Variants in ZFR2 observed in about 807,000 individuals in gnomAD.
ZFR2 encodes the protein zinc finger RNA binding protein 2, also known as zinc finger RNA-binding protein 2.
A neutral mutation model predicts 105.7 loss-of-function variants in ZFR2; 104 were observed. That is an observed-to-expected ratio of 0.98 (90% CI 0.84 to 1.16). The LOEUF (loss-of-function observed/expected upper bound fraction) is 1.16. ZFR2 is among the 50% of genes most tolerant of loss of function. The pLI is 0.00. For missense variants in ZFR2, 1,425 were observed against 1,355.5 expected (o/e 1.05, Z -0.80); for synonymous variants, 634 against 597.7 (o/e 1.06, Z -0.89).
intron 14 of ZFR2, among the ~76,000 whole-genome samples, chr19:3,811,720 G>A (rs1482544538): frequency 6.6e-6 from 1 of 152,044 alleles, no homozygotes; most frequent in African/African-American, 2.4e-5. Flanking sequence ...CTCCCAAAGT[G>A]CTGGGATTAC....
chr19:3,824,793 C>T (rs746956515), intron 7 of ZFR2, among the ~76,000 whole-genome samples: 24 of 152,032 alleles, frequency 1.6e-4, no homozygotes, highest in Non-Finnish European at 2.8e-4. Flanking sequence ...AAAAATTAGC[C>T]GGGCGTGGTG....
intron 1 of ZFR2, chr19:3,855,364 C>G: frequency 8.1e-7 from 1 of 1,231,224 alleles, no homozygotes; most frequent in Non-Finnish European, 1.0e-6. Flanking sequence ...ATTGCTTTTG[C>G]GGGTTGCACT....
intron 1 of ZFR2, among the ~76,000 whole-genome samples, chr19:3,835,217 G>T (rs1285063498): frequency 6.6e-6 from 1 of 152,196 alleles, no homozygotes; most frequent in Non-Finnish European, 1.5e-5. Context: ...AGAAACTGAG[G>T]CACTGTCAGT....
intron 1 of ZFR2, among the ~76,000 whole-genome samples, chr19:3,855,115 C>T (rs930693339): frequency 1.3e-5 from 2 of 151,860 alleles, no homozygotes; most frequent in South Asian, 4.2e-4. Context: ...AGGCTGGTCT[C>T]GAACTCCTGG....
intron 1 of ZFR2, chr19:3,852,458 C>T: frequency 2.8e-6 from 2 of 718,326 alleles, no homozygotes; most frequent in South Asian, 3.0e-5. Context: ...GGGTCCTTCA[C>T]CAGGCAGGGT....
intron 6 of ZFR2, 53 bp from the exon 7 acceptor site, chr19:3,825,460 C>T (rs2037939280): frequency 1.3e-6 from 2 of 1,516,730 alleles, no homozygotes; most frequent in Admixed American, 2.4e-5. Context: ...AGCCTGATGG[C>T]CTTTTTCAAG....
chr19:3,821,497 G>A lies in ZFR2; in HGVS notation c.1492-18C>T, dbSNP rs1468892719. The stretch of plus-strand genomic sequence containing the variant: ...ACTTTCTTCTGGAAAGGACAGGCAA[G>A]GCTCTGAGAGTAGGGACCTTGCTTT... On this transcript the variant is annotated intron_variant, in intron 9 of 18. Coordinates refer to ENST00000262961, the MANE Select transcript of ZFR2 (RefSeq NM_015174.2). The A allele has an allele frequency of 1.9e-6, 3 of 1,577,724 alleles. No individual in the cohort carries two copies. The highest frequency in any genetic ancestry group is 2.7e-5 in the African/African-American group (2 of 73,946).
At chr19:3,846,240 G>A (rs1412792664) in intron 1 of ZFR2, among the ~76,000 whole-genome samples, 1 of 152,252 alleles carries the variant, frequency 6.6e-6, no homozygotes, top group African/African-American at 2.4e-5. Flanking sequence ...GCCTCCCACA[G>A]TGCTGGGATT....
chr19:3,807,358 T>C, intron 17 of ZFR2, 89 bp from the exon 18 acceptor site: 1 of 964,602 alleles, frequency 1.0e-6, no homozygotes, highest in Non-Finnish European at 1.6e-6. Flanking sequence ...CCGTGGGGCC[T>C]CAGGGGCCCG....
rs1263270133 is a variant in ZFR2, at chr19:3,825,300, G to A, written c.1143C>T (p.Gly381=). 6.3e-7 allele frequency: 1 copy of A among 1,580,382 alleles called. No individual in the cohort carries two copies. Among genetic ancestry groups the A allele is most frequent in the Non-Finnish European group, 8.6e-7 (1 of 1,169,132 alleles). The part of the protein sequence containing the change: ...GAEAKPTSPT[G]PSVCASSRPA... ...GCCTGCTCGAGGCACACACGCTGGG[G>A]CCAGTGGGGGACGTGGGCTTGGCCT... Residue 381 remains glycine, a synonymous_variant, in exon 7 of 19, where the codon GGC becomes GGT. Coordinates refer to ENST00000262961, the MANE Select transcript of ZFR2 (RefSeq NM_015174.2).
In ZFR2 at chr19:3,858,895, C is replaced by T. The variant is rs192865626; in HGVS notation, c.53+10070G>A. Among the ~76,000 whole-genome samples, 1 of 152,188 alleles carries T rather than the reference C, an allele frequency of 6.6e-6. No individual in the cohort carries two copies. Among genetic ancestry groups the T allele is most frequent in the African/African-American group, 2.4e-5 (1 of 41,440 alleles). On this transcript the variant is annotated intron_variant, in intron 1 of 18. Coordinates refer to ENST00000262961, the MANE Select transcript of ZFR2 (RefSeq NM_015174.2). This position sits in a 1 kb window ranked among gnomAD's most constrained non-coding sequence, Gnocchi z 4.3. ...AGCTCATCACCTATTTCTCTATCAC[C>T]CCCATGGCAGATGGAGATGAAGGCT...
intron 3 of ZFR2, among the ~76,000 whole-genome samples, chr19:3,832,236 C>T (rs992396562): frequency 6.6e-6 from 1 of 152,106 alleles, no homozygotes; most frequent in African/African-American, 2.4e-5. Flanking sequence ...CATTCATAGG[C>T]CCACACCTGG....
At chr19:3,857,263 C>T (rs1252295210) in intron 1 of ZFR2, among the ~76,000 whole-genome samples, 1 of 151,744 alleles carries the variant, frequency 6.6e-6, no homozygotes, top group Admixed American at 6.6e-5. Context: ...GAATCTCCCA[C>T]TTTTAAATGC....
chr19:3,826,731 C>T (rs998581985), intron 6 of ZFR2, among the ~76,000 whole-genome samples: 1 of 152,014 alleles, frequency 6.6e-6, no homozygotes, highest in African/African-American at 2.4e-5. Context: ...AGGCACCACG[C>T]CCGGCCTGAC....
Position 3,834,685 on chromosome 19 carries a change from AG to A in ZFR2, c.264+87del. ...GATCACGGTTAAGAGGCCTGGGAGA[AG>A]GAGTAGCTGTGGGAAGCCCACCGCT... On this transcript the variant is annotated intron_variant, in intron 2 of 18. Coordinates refer to ENST00000262961, the MANE Select transcript of ZFR2 (RefSeq NM_015174.2). This position sits in a 1 kb window ranked among gnomAD's most constrained non-coding sequence, Gnocchi z 5.3. The A allele has an allele frequency of 1.5e-6, 2 of 1,336,802 alleles. No homozygotes were observed. The highest frequency in any genetic ancestry group is 2.1e-6 in the Non-Finnish European group (2 of 956,030). The allele number at this position is 1,336,802 out of a possible 1,614,324, so 82.8% of individuals were successfully genotyped here.
chr19:3,809,058 C>T, intron 16 of ZFR2, 75 bp from the exon 17 acceptor site: 2 of 1,180,502 alleles, frequency 1.7e-6, no homozygotes, highest in South Asian at 1.7e-5. Context: ...GTCCTGGGGT[C>T]CCTGGGACAG....
At chr19:3,841,129 T>C (rs2038128993) in intron 1 of ZFR2, among the ~76,000 whole-genome samples, 1 of 152,222 alleles carries the variant, frequency 6.6e-6, no homozygotes, top group Non-Finnish European at 1.5e-5. Flanking sequence ...CACGTCAGAA[T>C]GCTTGCAAAG....
chr19:3,848,718 G>A (rs1203633212), intron 1 of ZFR2, among the ~76,000 whole-genome samples: 1 of 149,478 alleles, frequency 6.7e-6, no homozygotes, highest in East Asian at 2.0e-4. Context: ...TAGGCTGGGC[G>A]CGGTGGCTCA....
At chr19:3,867,597 C>G (rs2038447840) in intron 1 of ZFR2, among the ~76,000 whole-genome samples, 1 of 151,902 alleles carries the variant, frequency 6.6e-6, no homozygotes, top group South Asian at 2.1e-4. Flanking sequence ...TATTTAAGAC[C>G]TAGAAAAGGA....
Sources: allele counts gnomAD v4.1 joint callset (sites outside exome capture counted in the v4.1 genomes callset), GRCh38; gene constraint gnomAD v4.1.1; non-coding constraint Gnocchi (gnomAD v3.1); transcripts MANE v1.5; gene names NCBI Gene and HGNC (gene_info 2026-07-23, HGNC 2026-07-21).